Variants in ZNF420 observed in about 807,000 individuals in gnomAD.
ZNF420 encodes ATM and p53-associated KZNF protein.
A neutral mutation model predicts 44.7 loss-of-function variants in ZNF420; 31 were observed. The ratio of observed to expected loss-of-function variants is 0.69; its 90% CI spans 0.52 to 0.94. The LOEUF (loss-of-function observed/expected upper bound fraction) is 0.94. Ranked by LOEUF, ZNF420 falls within the 40% of genes least tolerant of loss-of-function variation. The pLI is 0.00. For missense variants in ZNF420, 681 were observed against 827.9 expected, an observed-to-expected ratio of 0.82 and a Z score of 2.18; for synonymous variants, 245 against 267.4, an observed-to-expected ratio of 0.92 and a Z score of 0.82.
At chr19:37,058,328 C>T (rs534101031) in intron 1 of ZNF420, among the ~76,000 whole-genome samples, 1 of 152,206 alleles carries the variant, frequency 6.6e-6, no homozygotes, top group South Asian at 2.1e-4. Flanking sequence ...CTAGAATGAG[C>T]GGTAGGCGAT....
In ZNF420 at chr19:37,128,427, A is replaced by C. The variant is rs746254574; in HGVS notation, c.1436A>C (p.Glu479Ala). The C allele has an allele frequency of 6.2e-7, 1 of 1,614,120 alleles. No individual in the cohort carries two copies. The highest frequency in any genetic ancestry group is 2.2e-5 in the East Asian group (1 of 44,884). The change falls in exon 5 of 5, where the codon GAA becomes GCA. Residue 479 changes from glutamate (E) to alanine (A), a missense_variant. This residue lies in a region of ZNF420 where 280 missense variants were observed against 338.6 expected (regional missense o/e 0.83). Transcript: ENST00000337995. ...HTGEKPYECK[E>A]CGKSFIRGSQ... The stretch of plus-strand genomic sequence containing the variant: ...GGTGAGAAACCCTATGAATGTAAGG[A>C]ATGTGGGAAATCTTTTATTCGTGGT...
intron 4 of ZNF420, among the ~76,000 whole-genome samples, chr19:37,104,400 G>A (rs1969961020): frequency 6.6e-6 from 1 of 152,110 alleles, no homozygotes; most frequent in Non-Finnish European, 1.5e-5. Flanking sequence ...GGACATTTGG[G>A]TTGGTTCCAA....
chr19:37,033,290 T>C (rs1341079203), intron 1 of ZNF420, among the ~76,000 whole-genome samples: 1 of 152,186 alleles, frequency 6.6e-6, no homozygotes, highest in Non-Finnish European at 1.5e-5. Flanking sequence ...CGTCACACTT[T>C]CCATCATCTC....
rs1025962725 is a variant in ZNF420 at position 37,080,384 on chromosome 19, C to G, written c.-85C>G. The G allele has an allele frequency of 7.9e-5, 12 of 152,670 alleles. No individual in the cohort carries two copies. The highest frequency in any genetic ancestry group is 7.2e-4 in the Admixed American group (11 of 15,294). The allele number at this position is 152,670 out of a possible 1,614,324, so 9.5% of individuals were successfully genotyped here. ...AGAATGGCTGTTTCAGTAGCAATGT[C>G]CAAGGTGAGTATTTCCTCTTTGTTT... On this transcript the variant is annotated 5_prime_UTR_variant, in exon 2 of 5. Coordinates refer to ENST00000337995, the MANE Select transcript of ZNF420 (RefSeq NM_144689.5).
At chr19:37,107,212 T>G (rs1226689389) in intron 4 of ZNF420, 1 of 151,952 alleles carries the variant, frequency 6.6e-6, no homozygotes, top group Non-Finnish European at 1.5e-5. Flanking sequence ...GACAGTCAGG[T>G]CTTACCCTTC....
At chr19:37,073,410 A>T (rs1968091144) in intron 1 of ZNF420, among the ~76,000 whole-genome samples, 1 of 152,166 alleles carries the variant, frequency 6.6e-6, no homozygotes, top group East Asian at 1.9e-4. Flanking sequence ...GCTAATTCCA[A>T]GTCTGGGACA....
chr19:37,100,992 TCC>T (rs1491138889), intron 4 of ZNF420, among the ~76,000 whole-genome samples: 3 of 113,894 alleles, frequency 2.6e-5, no homozygotes, highest in African/African-American at 1.3e-4. Flanking sequence ...TTAAATTTAT[TCC>T]TTTTTTTTTT....
At chr19:37,098,573 CATA>C (rs1196240015) in intron 4 of ZNF420, among the ~76,000 whole-genome samples, 1 of 152,146 alleles carries the variant, frequency 6.6e-6, no homozygotes, top group Non-Finnish European at 1.5e-5. Flanking sequence ...TTAGTTGAAA[CATA>C]ATGCACATAT....
chr19:37,059,936 C>CGT (rs1397963065), intron 1 of ZNF420, among the ~76,000 whole-genome samples: 1 of 151,978 alleles, frequency 6.6e-6, no homozygotes, highest in Admixed American at 6.5e-5. Flanking sequence ...TGCCCATGAG[C>CGT]GTGTGTGTGT....
At chr19:37,034,428 A>C (rs1967317110) in intron 1 of ZNF420, among the ~76,000 whole-genome samples, 1 of 152,186 alleles carries the variant, frequency 6.6e-6, no homozygotes, top group Non-Finnish European at 1.5e-5. Flanking sequence ...CAAATATATT[A>C]TTTGAAATAT....
At position 37,127,507 on chromosome 19, in the gene ZNF420, C is replaced by A. The variant is rs145681650; in HGVS notation, c.516C>A (p.Cys172Ter). ...AAAAACCCTATGAATGTAAGCAATG[C>A]GGGAAGGCCTTTAGTCGTGATTCAC... ...TGEKPYECKQ[C>*]GKAFSRDSQL... Residue 172 changes from cysteine to a stop codon, truncating the protein, a stop_gained, in exon 5 of 5, where the codon TGC (cysteine) becomes TGA (stop). Transcript: ENST00000337995. LOFTEE classifies it low-confidence loss of function (END_TRUNC). 2 of 1,613,432 alleles carry A rather than the reference C, an allele frequency of 1.2e-6. No homozygotes were observed. The highest frequency in any genetic ancestry group is 1.7e-6 in the Non-Finnish European group (2 of 1,179,730).
chr19:37,104,604 A>G (rs938687985), intron 4 of ZNF420, among the ~76,000 whole-genome samples: 1 of 152,188 alleles, frequency 6.6e-6, no homozygotes, highest in Non-Finnish European at 1.5e-5. Flanking sequence ...TCCCACCAAC[A>G]GTGTAAAAGT....
At chr19:37,050,890 G>A (rs1156609830) in intron 1 of ZNF420, among the ~76,000 whole-genome samples, 2 of 152,168 alleles carry the variant, frequency 1.3e-5, no homozygotes, top group Non-Finnish European at 2.9e-5. Context: ...TTTGAGATAT[G>A]TCCAATCAAT....
At chr19:37,032,297 A>T (rs889055886) in intron 1 of ZNF420, among the ~76,000 whole-genome samples, 1 of 150,808 alleles carries the variant, frequency 6.6e-6, no homozygotes, top group Non-Finnish European at 1.5e-5. Context: ...GCGCCACTGC[A>T]CTCCAACCTG....
chr19:37,056,896 C>T (rs1230380953), intron 1 of ZNF420, among the ~76,000 whole-genome samples: 2 of 152,258 alleles, frequency 1.3e-5, no homozygotes, highest in Admixed American at 6.5e-5. Flanking sequence ...ATCCAGCCAC[C>T]GCCAGGGTTG....
intron 4 of ZNF420, among the ~76,000 whole-genome samples, chr19:37,110,482 T>C (rs537212213): frequency 6.6e-6 from 1 of 152,344 alleles, no homozygotes; most frequent in East Asian, 1.9e-4. Flanking sequence ...TTTGCTTTAG[T>C]CAAAGGCCCT....
intron 4 of ZNF420, among the ~76,000 whole-genome samples, chr19:37,121,652 G>T (rs1347632722): frequency 6.6e-6 from 1 of 152,126 alleles, no homozygotes; most frequent in Non-Finnish European, 1.5e-5. Flanking sequence ...AAGAGCTTCT[G>T]CACAGCAAAA....
At chr19:37,009,836 G>C (rs574200369) in intron 1 of ZNF420, among the ~76,000 whole-genome samples, 3 of 152,124 alleles carry the variant, frequency 2.0e-5, no homozygotes, top group Non-Finnish European at 4.4e-5. Context: ...ACCCCAGCAG[G>C]CGCCCTGAAC....
intron 4 of ZNF420, among the ~76,000 whole-genome samples, chr19:37,101,084 G>A (rs532801455): frequency 7.4e-6 from 1 of 135,616 alleles, no homozygotes; most frequent in Admixed American, 7.7e-5. Context: ...ACTTATTTTT[G>A]TACATTGATT....
Sources: gnomAD v4.1 joint callset for allele counts (sites outside exome capture counted in the v4.1 genomes callset) on GRCh38, gnomAD v4.1.1 for gene constraint, gnomAD v4.1.1 regional missense constraint, MANE v1.5 for transcripts, NCBI Gene and HGNC (gene_info 2026-07-23, HGNC 2026-07-21) for gene names.